ASIC2: variants seen among roughly 807,000 people sequenced by gnomAD.
ASIC2 encodes the protein acid sensing ion channel subunit 2.
Under a neutral mutation model 57.3 loss-of-function variants are expected in ASIC2, and 25 were observed. The ratio of observed to expected loss-of-function variants is 0.44; its 90% CI spans 0.32 to 0.61. ASIC2 has a LOEUF of 0.61. ASIC2 is among the 20% of genes least tolerant of loss of function. The pLI, the probability that ASIC2 is intolerant of heterozygous loss-of-function variation, is 0.06. For missense variants in ASIC2, 641 were observed against 738.1 expected (o/e 0.87, Z 1.52); for synonymous variants, 319 against 307.5 (o/e 1.04, Z -0.39).
At chr17:33,504,929 G>A (rs1914205863) in intron 1 of ASIC2, among the ~76,000 whole-genome samples, 1 of 152,138 alleles carries the variant, frequency 6.6e-6, no homozygotes, top group South Asian at 2.1e-4. Context: ...GGCTATGGGG[G>A]TGAGGGAGTG....
chr17:34,039,961 C>T (rs1908047712), intron 1 of ASIC2: 4 of 1,150,818 alleles, frequency 3.5e-6, no homozygotes, highest in Non-Finnish European at 5.1e-6. Flanking sequence ...CGCTCTCCCC[C>T]TGGGCAGGCC....
At chr17:33,391,787 A>T (rs1259296198) in intron 1 of ASIC2, among the ~76,000 whole-genome samples, 4 of 152,244 alleles carry the variant, frequency 2.6e-5, no homozygotes, top group Admixed American at 6.5e-5. Flanking sequence ...TTGAACTCAT[A>T]TATGTGCCAG....
chr17:34,051,021 ATC>A, intron 1 of ASIC2, among the ~76,000 whole-genome samples: 1 of 152,300 alleles, frequency 6.6e-6, no homozygotes, highest in South Asian at 2.1e-4. Flanking sequence ...TCTGCTGCTG[ATC>A]TGGAGAAAGA....
intron 1 of ASIC2, among the ~76,000 whole-genome samples, chr17:33,449,258 C>T (rs777028175): frequency 1.6e-4 from 24 of 151,974 alleles, no homozygotes; most frequent in Non-Finnish European, 3.1e-4. Context: ...TCATTATCTC[C>T]CCAGAACCAG....
At chr17:33,987,672 A>G (rs765431744) in intron 1 of ASIC2, among the ~76,000 whole-genome samples, 2 of 152,024 alleles carry the variant, frequency 1.3e-5, no homozygotes, top group African/African-American at 2.4e-5. Context: ...CAACCAACCA[A>G]CCAACGAACC....
Position 34,022,615 on chromosome 17 carries a change from A to G in ASIC2, c.555+133363T>C, listed in dbSNP as rs1191140818. Among the ~76,000 whole-genome samples the G allele has an allele frequency of 4.0e-5, 6 of 150,740 alleles. No homozygotes were observed. The East Asian group carries it at 1.2e-3, about 29-fold the overall frequency. On this transcript the variant is annotated intron_variant, in intron 1 of 9. Coordinates refer to the ASIC2 transcript ENST00000359872. ...CTAGAGCTCCCACAGTCTGGTCTTCATGCAATTTCCCATGAAAAAAAAAAA... is the reference window on the plus strand; with the variant it reads ...CTAGAGCTCCCACAGTCTGGTCTTCGTGCAATTTCCCATGAAAAAAAAAAA...
At chr17:33,908,792 C>A (rs575477450) in intron 1 of ASIC2, among the ~76,000 whole-genome samples, 1 of 152,296 alleles carries the variant, frequency 6.6e-6, no homozygotes, top group East Asian at 1.9e-4. Flanking sequence ...TGAAAGCAGA[C>A]CTTTGGATTC....
At chr17:33,738,332 G>C (rs933915265) in intron 1 of ASIC2, among the ~76,000 whole-genome samples, 38 of 152,200 alleles carry the variant, frequency 2.5e-4, no homozygotes, top group African/African-American at 8.9e-4. Context: ...CATGGTGCTT[G>C]TCATCCTTCC....
intron 1 of ASIC2, among the ~76,000 whole-genome samples, chr17:33,459,659 G>T (rs564386908): frequency 6.6e-6 from 1 of 152,354 alleles, no homozygotes; most frequent in South Asian, 2.1e-4. Flanking sequence ...ATATTAAGCT[G>T]TTCTGTCGGG....
intron 1 of ASIC2, among the ~76,000 whole-genome samples, chr17:33,358,210 T>C (rs1221793400): frequency 1.3e-5 from 2 of 152,216 alleles, no homozygotes; most frequent in Admixed American, 6.5e-5. Context: ...ACTACAGCCA[T>C]GTTCATTTGT....
intron 1 of ASIC2, among the ~76,000 whole-genome samples, chr17:33,703,049 T>C (rs1908751955): frequency 6.6e-6 from 1 of 152,098 alleles, no homozygotes; most frequent in Non-Finnish European, 1.5e-5. Flanking sequence ...ATGGTTACTT[T>C]AAGAGGGGAT....
At chr17:33,090,896 G>A (rs1204370100) in intron 2 of ASIC2, among the ~76,000 whole-genome samples, 2 of 152,190 alleles carry the variant, frequency 1.3e-5, no homozygotes, top group Non-Finnish European at 2.9e-5. Context: ...CCCTCAGCCA[G>A]GAATCCTTTT....
chr17:33,042,874 A>G (rs1230235845), intron 3 of ASIC2, among the ~76,000 whole-genome samples: 1 of 152,116 alleles, frequency 6.6e-6, no homozygotes, highest in Non-Finnish European at 1.5e-5. Flanking sequence ...CATTGCATAG[A>G]TGCATCAAAC....
intron 1 of ASIC2, among the ~76,000 whole-genome samples, chr17:33,432,503 T>C (rs898707529): frequency 6.6e-6 from 1 of 152,078 alleles, no homozygotes; most frequent in Non-Finnish European, 1.5e-5. Flanking sequence ...CCTTCCAGCC[T>C]GGGCAAAAAA....
intron 1 of ASIC2, among the ~76,000 whole-genome samples, chr17:34,139,941 C>T (rs571075830): frequency 2.6e-5 from 4 of 152,198 alleles, no homozygotes; most frequent in African/African-American, 9.6e-5. Flanking sequence ...TTTTAAAACT[C>T]TGTGTGTGAT....
At chr17:34,082,798 C>T (rs905007877) in intron 1 of ASIC2, among the ~76,000 whole-genome samples, 8 of 152,214 alleles carry the variant, frequency 5.3e-5, no homozygotes, top group African/African-American at 1.9e-4. Context: ...ATTTAAGTAA[C>T]CAGTCCAGGT....
At chr17:33,466,654 A>G (rs1204011494) in intron 1 of ASIC2, among the ~76,000 whole-genome samples, 1 of 152,188 alleles carries the variant, frequency 6.6e-6, no homozygotes, top group Admixed American at 6.5e-5. Flanking sequence ...AGAGATATAG[A>G]CCAATGGAAC....
At chr17:33,074,126 C>G (rs2092080147) in intron 3 of ASIC2, among the ~76,000 whole-genome samples, 1 of 152,110 alleles carries the variant, frequency 6.6e-6, no homozygotes, top group African/African-American at 2.4e-5. Flanking sequence ...GAGGCAGAAA[C>G]AGAGAGTTAT....
At chr17:33,109,320 T>C (rs2092247459) in intron 2 of ASIC2, among the ~76,000 whole-genome samples, 1 of 152,218 alleles carries the variant, frequency 6.6e-6, no homozygotes, top group South Asian at 2.1e-4. Flanking sequence ...TAGTGACTAA[T>C]GTATTGGACA....
Sources: allele counts gnomAD v4.1 joint callset (sites outside exome capture counted in the v4.1 genomes callset), GRCh38; gene constraint gnomAD v4.1.1; transcripts MANE v1.5; gene names NCBI Gene and HGNC (gene_info 2026-07-23, HGNC 2026-07-21).